Variants in AFF1 observed in about 807,000 individuals in gnomAD.
AFF1 encodes the protein AF4/FMR2 family member 1.
In AFF1, 48 loss-of-function variants were observed where a neutral mutation model predicts 121.7. That is an observed-to-expected ratio of 0.39 (90% CI 0.31 to 0.50). The LOEUF (loss-of-function observed/expected upper bound fraction) is 0.50. AFF1 is among the 20% of genes least tolerant of loss of function. The pLI, the probability that AFF1 is intolerant of heterozygous loss-of-function variation, is 0.76. For missense variants in AFF1, 1,523 were observed against 1,511.7 expected (o/e 1.01, Z -0.12); for synonymous variants, 613 against 563.0 (o/e 1.09, Z -1.26).
chr4:87,077,536 A>G (rs1345856569), intron 4 of AFF1, among the ~76,000 whole-genome samples: 1 of 152,170 alleles, frequency 6.6e-6, no homozygotes, highest in Non-Finnish European at 1.5e-5. Context: ...AAAAGGTTAA[A>G]AAAAGGATAT....
chr4:87,067,070 CT>C (rs1370223733), intron 4 of AFF1, among the ~76,000 whole-genome samples: 1 of 152,202 alleles, frequency 6.6e-6, no homozygotes, highest in Non-Finnish European at 1.5e-5. Flanking sequence ...TTATCATTCC[CT>C]TTCCCCTTTC....
chr4:87,071,121 A>C (rs1721997760), intron 4 of AFF1, among the ~76,000 whole-genome samples: 1 of 150,900 alleles, frequency 6.6e-6, no homozygotes, highest in Non-Finnish European at 1.5e-5. Flanking sequence ...ACCTGTTACC[A>C]CCAGACTTAG....
intron 2 of AFF1, among the ~76,000 whole-genome samples, chr4:86,985,181 CTATATATATATATA>C (rs55891819): frequency 0.085 from 8,160 of 96,494 alleles, 539 homozygotes; most frequent in Non-Finnish European, 0.11. Flanking sequence ...ATATGTATTA[CTATATATATATATA>C]TATATATATA....
intron 2 of AFF1, among the ~76,000 whole-genome samples, chr4:87,009,450 G>A (rs1028074733): frequency 3.3e-5 from 5 of 152,210 alleles, no homozygotes; most frequent in Non-Finnish European, 7.3e-5. Context: ...TGAGTTATCA[G>A]TGTGGTGGTT....
chr4:86,953,002 A>T (rs1252994230), intron 2 of AFF1, among the ~76,000 whole-genome samples: 1 of 133,894 alleles, frequency 7.5e-6, no homozygotes, highest in Non-Finnish European at 1.5e-5. Flanking sequence ...CTAGGATTAC[A>T]GGCCTGAGCC....
intron 4 of AFF1, among the ~76,000 whole-genome samples, chr4:87,070,330 G>A (rs1300065699): frequency 6.6e-6 from 1 of 152,142 alleles, no homozygotes; most frequent in African/African-American, 2.4e-5. Flanking sequence ...GTAGAGACTG[G>A]GTTTCACCAT....
chr4:86,969,970 C>T (rs1722828076), intron 2 of AFF1, among the ~76,000 whole-genome samples: 1 of 149,336 alleles, frequency 6.7e-6, no homozygotes, highest in African/African-American at 2.5e-5. Context: ...TCAAAGATAT[C>T]TTATTTTTGT....
intron 1 of AFF1, 122 bp from the exon 2 acceptor site, chr4:86,948,376 C>G: frequency 1.6e-6 from 1 of 622,174 alleles, no homozygotes; most frequent in South Asian, 2.7e-5. Context: ...ATTGGAGAAC[C>G]ATTTTCTAAT....
intron 7 of AFF1, among the ~76,000 whole-genome samples, chr4:87,093,713 T>C (rs1357879875): frequency 2.6e-5 from 4 of 152,306 alleles, no homozygotes; most frequent in Middle Eastern, 3.4e-3. Flanking sequence ...GAAAATATCA[T>C]ATAAGAGCTG....
At chr4:87,052,035 G>A (rs1417523723) in intron 4 of AFF1, among the ~76,000 whole-genome samples, 1 of 152,178 alleles carries the variant, frequency 6.6e-6, no homozygotes, top group African/African-American at 2.4e-5. Context: ...CTTTCACAGA[G>A]ACACCTCACA....
Position 87,129,864 on chromosome 4 carries a change from G to A in AFF1, c.2965-1219G>A, listed in dbSNP as rs75408638. ...GCGTTGTTTCTGCCCTGTGTAGAGT[G>A]CAGCAGCATGCCTAAGTAGCATGAC... On this transcript the variant is annotated intron_variant, in intron 16 of 20. Coordinates refer to ENST00000395146, the MANE Select transcript of AFF1 (RefSeq NM_001166693.3). 5.0e-3 allele frequency among the ~76,000 whole-genome samples: 763 copies of A among 152,222 alleles called. 8 individuals are homozygous for A. Among genetic ancestry groups the A allele is most frequent in the African/African-American group, 0.017 (725 of 41,526 alleles).
At chr4:87,099,447 TCACCCA>T (rs1252923646) in intron 8 of AFF1, among the ~76,000 whole-genome samples, 1 of 152,240 alleles carries the variant, frequency 6.6e-6, no homozygotes, top group African/African-American at 2.4e-5. Context: ...TCTCATTCTG[TCACCCA>T]GGCTGGAGTG....
chr4:86,988,451 CTG>C (rs1724460161), intron 2 of AFF1, among the ~76,000 whole-genome samples: 1 of 151,890 alleles, frequency 6.6e-6, no homozygotes, highest in African/African-American at 2.4e-5. Context: ...CTTCTTAAGA[CTG>C]TGAAACTGTA....
At chr4:86,967,466 C>T (rs1326821597) in intron 2 of AFF1, among the ~76,000 whole-genome samples, 1 of 152,102 alleles carries the variant, frequency 6.6e-6, no homozygotes, top group Non-Finnish European at 1.5e-5. Context: ...AATGGGAAGC[C>T]ATCAAACTAT....
intron 2 of AFF1, among the ~76,000 whole-genome samples, chr4:87,022,602 G>A (rs1419618155): frequency 5.1e-5 from 5 of 97,740 alleles, no homozygotes; most frequent in African/African-American, 1.1e-4. Flanking sequence ...ATCTATCTGT[G>A]TGTATATATA....
chr4:87,119,344 T>C (rs1727439563), intron 12 of AFF1, among the ~76,000 whole-genome samples: 1 of 151,994 alleles, frequency 6.6e-6, no homozygotes, highest in African/African-American at 2.4e-5. Flanking sequence ...TTTGAGAGGC[T>C]GAGGCGGGTG....
At chr4:87,109,983 TTAAC>T (rs1427937578) in intron 11 of AFF1, among the ~76,000 whole-genome samples, 1 of 152,232 alleles carries the variant, frequency 6.6e-6, no homozygotes, top group Non-Finnish European at 1.5e-5. Flanking sequence ...CCTAAAGTAT[TTAAC>T]TACATCTCTT....
intron 2 of AFF1, among the ~76,000 whole-genome samples, chr4:86,961,140 A>C (rs1434332057): frequency 1.3e-5 from 2 of 152,194 alleles, no homozygotes; most frequent in African/African-American, 4.8e-5. Flanking sequence ...AGACACCACC[A>C]GTTAACCCTG....
intron 8 of AFF1, among the ~76,000 whole-genome samples, chr4:87,097,995 T>C (rs971358145): frequency 6.6e-6 from 1 of 152,188 alleles, no homozygotes; most frequent in African/African-American, 2.4e-5. Context: ...CTAATGCATT[T>C]TGAATATCAG....
Sources: gnomAD v4.1 joint callset for allele counts (sites outside exome capture counted in the v4.1 genomes callset) on GRCh38, gnomAD v4.1.1 for gene constraint, MANE v1.5 for transcripts, NCBI Gene and HGNC (gene_info 2026-07-23, HGNC 2026-07-21) for gene names.